The following TMEM120B variants were observed in gnomAD, a reference collection of about 807,000 sequenced individuals.
TMEM120B encodes transmembrane protein 120B.
Under a neutral mutation model 55.5 loss-of-function variants are expected in TMEM120B, and 31 were observed. The ratio of observed to expected loss-of-function variants is 0.56; its 90% CI spans 0.42 to 0.75. The LOEUF (loss-of-function observed/expected upper bound fraction) is 0.75. Ranked by LOEUF, TMEM120B falls within the 30% of genes least tolerant of loss-of-function variation. TMEM120B has a pLI of 0.00. For synonymous variants in TMEM120B, 203 were observed against 176.3 expected (o/e 1.15, Z -1.20); for missense variants, 399 against 425.5 (o/e 0.94, Z 0.55).
chr12:121,713,063 C>T (rs530810337), intron 1 of TMEM120B, 99 bp downstream of exon 1: 130 of 1,013,050 alleles, frequency 1.3e-4, no homozygotes, highest in Non-Finnish European at 1.7e-4. Flanking sequence ...CAGTCAGGGC[C>T]TAGGGAGTGC....
rs532947235 is a variant in TMEM120B at position 121,758,315 on chromosome 12, C to T, written c.462-3334C>T. 116 of 985,500 alleles carry T rather than the reference C, an allele frequency of 1.2e-4. No individual in the cohort carries two copies. The African/African-American group carries it at 1.4e-3, about 12-fold the overall frequency. 61.0% of individuals were successfully genotyped at this position (985,500 alleles called of 1,614,324 possible). A position where few individuals can be genotyped will look rare whatever the true frequency, so the allele number is the denominator to read the frequency against. On this transcript the variant is annotated intron_variant, in intron 5 of 11. Transcript: ENST00000449592. ...TGATAATCCCCACACAGCGGTCTGC[C>T]GGCCCTCCATGCTGACCAGGTACAG...
chr12:121,726,494 G>A (rs1291189031), intron 1 of TMEM120B, among the ~76,000 whole-genome samples: 1 of 151,044 alleles, frequency 6.6e-6, no homozygotes, highest in Non-Finnish European at 1.5e-5. Context: ...CAGGAGAAAG[G>A]CATGAACCTG....
At chr12:121,751,947 C>G (rs57797031) in intron 4 of TMEM120B, among the ~76,000 whole-genome samples, 181 bp from the exon 5 acceptor site, 4,242 of 152,292 alleles carry the variant, frequency 0.028, 214 homozygotes, top group African/African-American at 0.097. Flanking sequence ...ACTTGGCCCT[C>G]TTCCCCTCAT....
intron 1 of TMEM120B, among the ~76,000 whole-genome samples, chr12:121,733,944 C>T (rs544876060): frequency 7.2e-5 from 11 of 152,254 alleles, no homozygotes; most frequent in Admixed American, 6.5e-4. Flanking sequence ...TTTTAAAAAA[C>T]CCAAAGGATG....
intron 1 of TMEM120B, among the ~76,000 whole-genome samples, chr12:121,723,809 C>T (rs564652393): frequency 2.0e-5 from 3 of 152,110 alleles, no homozygotes; most frequent in Admixed American, 6.6e-5. Flanking sequence ...TCCTTCTTTT[C>T]TTTTGTTTTT....
Position 121,770,097 on chromosome 12 carries a change from G to T in TMEM120B, c.552-810G>T, listed in dbSNP as rs538945012. On this transcript the variant is annotated intron_variant, in intron 6 of 11. Coordinates refer to ENST00000449592, the MANE Select transcript of TMEM120B (RefSeq NM_001080825.2). ...CAAAGGCCCTGGGTGAGCCCGCTGG[G>T]TGTAGCTGTAGGAAGTACCGCCCGC... Among the ~76,000 whole-genome samples, 29 of 152,250 alleles carry T rather than the reference G, an allele frequency of 1.9e-4. No individual in the cohort carries two copies. In the South Asian group the frequency reaches 5.4e-3, roughly 28 times the overall value.
chr12:121,757,471 A>G (rs1873514463), intron 5 of TMEM120B, among the ~76,000 whole-genome samples: 2 of 151,268 alleles, frequency 1.3e-5, no homozygotes, highest in Non-Finnish European at 2.9e-5. Flanking sequence ...CCTCCCAAGT[A>G]GCTGGGACTA....
At chr12:121,733,645 C>T (rs1895046329) in intron 1 of TMEM120B, among the ~76,000 whole-genome samples, 1 of 151,832 alleles carries the variant, frequency 6.6e-6, no homozygotes, top group South Asian at 2.1e-4. Context: ...TCAAGCAACT[C>T]TCATGCCTCA....
At chr12:121,744,567 C>G (rs1158112862) in intron 2 of TMEM120B, among the ~76,000 whole-genome samples, 1 of 152,156 alleles carries the variant, frequency 6.6e-6, no homozygotes, top group African/African-American at 2.4e-5. Flanking sequence ...TGTGCTTGAG[C>G]TCATAGCTTA....
Position 121,779,442 on chromosome 12 carries a change from C to T in TMEM120B, c.*3720C>T, listed in dbSNP as rs1024056336. ...GATGGGGCAGCCTCCCTGGTGCAAT[C>T]GGCACCTGGGCCCCCGGGCCCTGTC... On this transcript the variant is annotated 3_prime_UTR_variant, in exon 12 of 12. Coordinates refer to ENST00000449592, the MANE Select transcript of TMEM120B (RefSeq NM_001080825.2). 4.7e-5 allele frequency: 74 copies of T among 1,579,798 alleles called. No homozygotes were observed. The highest frequency in any genetic ancestry group is 1.8e-4 in the Middle Eastern group (1 of 5,578).
intron 1 of TMEM120B, 140 bp from the exon 2 acceptor site, chr12:121,743,489 C>T (rs376161425): frequency 2.3e-5 from 13 of 558,178 alleles, no homozygotes; most frequent in Admixed American, 5.3e-5. Flanking sequence ...ACCCAGGAGG[C>T]GGAGGTTGCA....
chr12:121,772,060 T>C (rs761909936), intron 8 of TMEM120B, among the ~76,000 whole-genome samples: 1 of 151,318 alleles, frequency 6.6e-6, no homozygotes, highest in Non-Finnish European at 1.5e-5. Flanking sequence ...TTTCTTTTTC[T>C]TCCTTTCTTT....
At chr12:121,765,374 C>T (rs561297770) in intron 6 of TMEM120B, among the ~76,000 whole-genome samples, 1 of 152,256 alleles carries the variant, frequency 6.6e-6, no homozygotes. Flanking sequence ...AGGTGATCTG[C>T]TCACCTCGGC....
chr12:121,780,774 C>G lies in TMEM120B; in HGVS notation c.*5052C>G. The G allele has an allele frequency of 7.3e-7, 1 of 1,373,754 alleles. No individual in the cohort carries two copies. The highest frequency in any genetic ancestry group is 1.4e-5 in the South Asian group (1 of 72,330). 85.1% of individuals were successfully genotyped at this position (1,373,754 alleles called of 1,614,324 possible). A position where few individuals can be genotyped will look rare whatever the true frequency, so the allele number is the denominator to read the frequency against. ...ATTCTTAGAATCTTGCTTCCCTCAG[C>G]TCCCTGAAAGGCCACTAAGGCACCC... On this transcript the variant is annotated 3_prime_UTR_variant, in exon 12 of 12. Coordinates refer to ENST00000449592, the MANE Select transcript of TMEM120B (RefSeq NM_001080825.2).
Position 121,779,431 on chromosome 12 carries a change from C to T in TMEM120B, c.*3709C>T, listed in dbSNP as rs1288591228. 3.2e-6 allele frequency: 5 copies of T among 1,564,238 alleles called. No individual in the cohort carries two copies. The African/African-American group carries it at 5.4e-5, about 17-fold the overall frequency. On this transcript the variant is annotated 3_prime_UTR_variant, in exon 12 of 12. Transcript: ENST00000449592. The stretch of plus-strand genomic sequence containing the variant: ...TGGAGGGTCGGGATGGGGCAGCCTC[C>T]CTGGTGCAATCGGCACCTGGGCCCC...
Position 121,779,357 on chromosome 12 carries a change from GT to G in TMEM120B, c.*3637del, listed in dbSNP as rs1034092920. On this transcript the variant is annotated 3_prime_UTR_variant, in exon 12 of 12. Coordinates refer to ENST00000449592, the MANE Select transcript of TMEM120B (RefSeq NM_001080825.2). ...AGAGCCCCAGCCAGGAAAGGAGAGA[GT>G]TCCAGAATGTTCCAAGAGTCTAGCC... The G allele has an allele frequency of 9.1e-6, 8 of 877,884 alleles. No individual in the cohort carries two copies. The African/African-American group carries it at 1.4e-4, about 15-fold the overall frequency. 54.4% of individuals were successfully genotyped at this position (877,884 alleles called of 1,614,324 possible).
Position 121,712,818 on chromosome 12 carries a change from G to T in TMEM120B, c.-78G>T, listed in dbSNP as rs908691083. 7.2e-6 allele frequency: 8 copies of T among 1,116,990 alleles called. No homozygotes were observed. Among genetic ancestry groups the T allele is most frequent in the African/African-American group, 1.6e-5 (1 of 60,682 alleles). The allele number at this position is 1,116,990 out of a possible 1,614,324, so 69.2% of individuals were successfully genotyped here. On this transcript the variant is annotated 5_prime_UTR_variant, in exon 1 of 12. Transcript: ENST00000449592. ...CTCCGAGGGCGGTCGGCGAGCGCGCGGGCGTGGGGCGCTGGGGGGCCGGTC... is the reference window on the plus strand; with the variant it reads ...CTCCGAGGGCGGTCGGCGAGCGCGCTGGCGTGGGGCGCTGGGGGGCCGGTC...
intron 5 of TMEM120B, among the ~76,000 whole-genome samples, chr12:121,756,619 A>C (rs1873482711): frequency 6.6e-6 from 1 of 152,160 alleles, no homozygotes; most frequent in Non-Finnish European, 1.5e-5. Flanking sequence ...AACCCCCCCG[A>C]ATCTCCTCCA....
intron 5 of TMEM120B, chr12:121,758,317 G>A: frequency 1.0e-6 from 1 of 985,500 alleles, no homozygotes; most frequent in Non-Finnish European, 1.2e-6. Flanking sequence ...CGGTCTGCCG[G>A]CCCTCCATGC....
Sources: allele counts gnomAD v4.1 joint callset (sites outside exome capture counted in the v4.1 genomes callset), GRCh38; gene constraint gnomAD v4.1.1; transcripts MANE v1.5; gene names NCBI Gene and HGNC (gene_info 2026-07-23, HGNC 2026-07-21).